Variants in GRM1 observed in about 807,000 individuals in gnomAD.
GRM1 encodes metabotropic glutamate receptor 1.
In GRM1, 33 loss-of-function variants were observed where a neutral mutation model predicts 90.9. That is an observed-to-expected ratio of 0.36 (90% confidence interval 0.28 to 0.49). The LOEUF is 0.49. Among genes scored for constraint, GRM1 ranks in the 20% least tolerant of loss-of-function variants. The pLI is 0.99. For missense variants in GRM1, 1,190 were observed against 1,534.3 expected (o/e 0.78, Z 3.75); for synonymous variants, 700 against 613.2 (o/e 1.14, Z -2.09).
intron 1 of GRM1, among the ~76,000 whole-genome samples, chr6:146,142,969 C>G (rs908282146): frequency 1.3e-5 from 2 of 152,170 alleles, no homozygotes; most frequent in African/African-American, 4.8e-5. Context: ...AAGTAGTCTC[C>G]CATCATAGCT....
chr6:146,251,675 A>G lies in GRM1; in HGVS notation c.951-52936A>G, dbSNP rs1408066654. Among the ~76,000 whole-genome samples, 9 of 152,260 alleles carry G rather than the reference A, an allele frequency of 5.9e-5. No individual in the cohort carries two copies. The East Asian group carries it at 1.7e-3, about 29-fold the overall frequency. ...CTCAGCATTTGACTTGGGCGCACGG[A>G]TAAGGGCAGATTTGTGAGTATGATC... On this transcript the variant is annotated intron_variant, in intron 2 of 7. Coordinates refer to ENST00000282753, the MANE Select transcript of GRM1 (RefSeq NM_001278064.2).
At chr6:146,087,259 T>C (rs1776577431) in intron 1 of GRM1, among the ~76,000 whole-genome samples, 2 of 152,114 alleles carry the variant, frequency 1.3e-5, no homozygotes, top group African/African-American at 4.8e-5. Flanking sequence ...TTTGACCTAA[T>C]TGTAGATTCA....
chr6:146,129,474 A>G (rs535425588), intron 1 of GRM1, among the ~76,000 whole-genome samples: 57 of 152,276 alleles, frequency 3.7e-4, no homozygotes, highest in African/African-American at 1.3e-3. Flanking sequence ...GAAGCCTTCT[A>G]TAAAGAGTTG....
In GRM1 at chr6:146,180,661, T is replaced by A. The variant is rs186464965; in HGVS notation, c.950+21064T>A. ...TTTCTTTTTTCTTTTTTTTTCTAAA[T>A]CCAAAGGGATTGTAACAACCAAATG... On this transcript the variant is annotated intron_variant, in intron 2 of 7. Coordinates refer to ENST00000282753, the MANE Select transcript of GRM1 (RefSeq NM_001278064.2). Among the ~76,000 whole-genome samples, 28 of 152,210 alleles carry A rather than the reference T, an allele frequency of 1.8e-4. No homozygotes were observed. The East Asian group carries it at 5.2e-3, about 28-fold the overall frequency.
intron 1 of GRM1, among the ~76,000 whole-genome samples, chr6:146,136,947 G>C (rs1776647216): frequency 6.7e-6 from 1 of 148,906 alleles, no homozygotes; most frequent in Non-Finnish European, 1.5e-5. Context: ...TTGCCTCCTG[G>C]GTTCAAGTGA....
chr6:146,156,048 A>G (rs542928531), intron 1 of GRM1, among the ~76,000 whole-genome samples: 1 of 152,288 alleles, frequency 6.6e-6, no homozygotes, highest in South Asian at 2.1e-4. Context: ...AGAGGATACT[A>G]TGCTTTGCCC....
intron 2 of GRM1, among the ~76,000 whole-genome samples, chr6:146,188,059 C>T (rs1237453471): frequency 1.3e-5 from 2 of 152,106 alleles, no homozygotes; most frequent in Non-Finnish European, 2.9e-5. Flanking sequence ...ATAATTATCA[C>T]AGTCATTTAA....
In GRM1 at chr6:146,399,688, A is replaced by G; in HGVS notation, c.2649A>G (p.Ala883=). ...LNIFRRKKAG[A]GNANSNGKSV... ...TCTTCCGAAGAAAGAAGGCAGGGGC[A>G]GGGAATGCCAAGTGAGTTATCTGAC... The change falls in exon 7 of 8, where the codon GCA becomes GCG. Residue 883 remains alanine (A), a synonymous_variant. Coordinates refer to ENST00000282753, the MANE Select transcript of GRM1 (RefSeq NM_001278064.2). The surrounding 1 kb of genome is among the most constrained non-coding windows in gnomAD (Gnocchi z 5.4). 2.5e-6 allele frequency: 4 copies of G among 1,609,242 alleles called. No individual in the cohort carries two copies.
In GRM1 at chr6:146,315,621, C is replaced by G. The variant is rs140313617; in HGVS notation, c.1186+10775C>G. Among the ~76,000 whole-genome samples the G allele has an allele frequency of 7.7e-3, 1,175 of 152,260 alleles. 16 individuals are homozygous for G. Among genetic ancestry groups the G allele is most frequent in the African/African-American group, 0.027 (1,126 of 41,548 alleles). ...TTACACAAAACTTTCCTATATTAAT[C>G]TGGGTCCTACGCCATACAAATAGAA... On this transcript the variant is annotated intron_variant, in intron 3 of 7. Transcript: ENST00000282753.
At chr6:146,296,915 C>T (rs887366252) in intron 2 of GRM1, among the ~76,000 whole-genome samples, 3 of 152,176 alleles carry the variant, frequency 2.0e-5, no homozygotes, top group Admixed American at 6.6e-5. Context: ...CTGACTTCTA[C>T]GATTCATGAA....
At chr6:146,371,551 A>G (rs140486138) in intron 5 of GRM1, among the ~76,000 whole-genome samples, 1 of 152,202 alleles carries the variant, frequency 6.6e-6, no homozygotes, top group African/African-American at 2.4e-5. Context: ...GTGCTATCAA[A>G]TAGTAGGTTT....
rs543826789 is a variant in GRM1, at chr6:146,252,987, G to A, written c.951-51624G>A. 1.1e-4 allele frequency among the ~76,000 whole-genome samples: 16 copies of A among 152,142 alleles called. No homozygotes were observed. In the South Asian group the frequency reaches 2.9e-3, roughly 28 times the overall value. On this transcript the variant is annotated intron_variant, in intron 2 of 7. Transcript: ENST00000282753. ...AGGCAACAGAATCACTTGAACCCGG[G>A]AGGCAGAGGTTGCAGTGAGCTGAGA...
At chr6:146,385,277 G>A (rs1408350660) in intron 5 of GRM1, among the ~76,000 whole-genome samples, 1 of 151,906 alleles carries the variant, frequency 6.6e-6, no homozygotes, top group East Asian at 1.9e-4. Flanking sequence ...AACAATTATG[G>A]CAGGCTTCTT....
chr6:146,414,386 A>ATTATTATTG (rs1216754729), intron 7 of GRM1, among the ~76,000 whole-genome samples: 1 of 148,418 alleles, frequency 6.7e-6, no homozygotes, highest in African/African-American at 2.5e-5. Flanking sequence ...TTTTATTATT[A>ATTATTATTG]TTATTATTAT....
intron 5 of GRM1, among the ~76,000 whole-genome samples, chr6:146,359,030 C>T (rs139930855): frequency 6.6e-6 from 1 of 152,264 alleles, no homozygotes; most frequent in African/African-American, 2.4e-5. Flanking sequence ...GTTGGTGGAT[C>T]ATGGGAAGGT....
At chr6:146,366,145 AAATG>A (rs927243465) in intron 5 of GRM1, among the ~76,000 whole-genome samples, 2 of 152,194 alleles carry the variant, frequency 1.3e-5, no homozygotes, top group African/African-American at 4.8e-5. Flanking sequence ...TGCATATTTC[AAATG>A]AATGAATGAA....
chr6:146,329,287 G>A (rs989602027), intron 3 of GRM1, among the ~76,000 whole-genome samples: 1 of 152,180 alleles, frequency 6.6e-6, no homozygotes, highest in Non-Finnish European at 1.5e-5. Context: ...ATCTCTCACT[G>A]CCTCAAAGCT....
intron 7 of GRM1, among the ~76,000 whole-genome samples, chr6:146,405,642 G>T (rs1319071652): frequency 6.6e-6 from 1 of 152,152 alleles, no homozygotes; most frequent in Non-Finnish European, 1.5e-5. Context: ...TCTTCTTTGG[G>T]AGATAGAGGA....
intron 2 of GRM1, among the ~76,000 whole-genome samples, chr6:146,234,155 A>G (rs979965685): frequency 6.6e-6 from 1 of 152,010 alleles, no homozygotes; most frequent in Non-Finnish European, 1.5e-5. Context: ...TTGTTTATTC[A>G]GTAATCCATT....
Sources: gnomAD v4.1 joint callset for allele counts (sites outside exome capture counted in the v4.1 genomes callset) on GRCh38, gnomAD v4.1.1 for gene constraint, Gnocchi (gnomAD v3.1) non-coding constraint, MANE v1.5 for transcripts, NCBI Gene and HGNC (gene_info 2026-07-23, HGNC 2026-07-21) for gene names.